PLXNA4: variants seen among roughly 807,000 people sequenced by gnomAD.
PLXNA4 encodes the protein plexin A4.
In PLXNA4, 44 loss-of-function variants were observed where a neutral mutation model predicts 191.8. That is an observed-to-expected ratio of 0.23 (90% CI 0.18 to 0.29). The LOEUF is 0.29. Ranked by LOEUF, PLXNA4 falls within the 10% of genes least tolerant of loss-of-function variation. The pLI is 1.00. For missense variants in PLXNA4, 1,800 were observed against 2,488.8 expected, an observed-to-expected ratio of 0.72 and a Z score of 5.89; for synonymous variants, 1,082 against 1,009.5, an observed-to-expected ratio of 1.07 and a Z score of -1.36.
intron 3 of PLXNA4, among the ~76,000 whole-genome samples, chr7:132,346,461 A>G (rs1165020755): frequency 6.6e-6 from 1 of 152,228 alleles, no homozygotes; most frequent in East Asian, 1.9e-4. Context: ...ACTGCTAATT[A>G]CACTCTTCTC....
chr7:132,225,870 G>C (rs1031382422), intron 8 of PLXNA4, among the ~76,000 whole-genome samples: 1 of 152,198 alleles, frequency 6.6e-6, no homozygotes, highest in Non-Finnish European at 1.5e-5. Context: ...TTGATGTCAG[G>C]GAAGATGTAT....
intron 3 of PLXNA4, among the ~76,000 whole-genome samples, chr7:132,356,162 G>C (rs1585029672): frequency 6.6e-6 from 1 of 152,210 alleles, no homozygotes; most frequent in East Asian, 1.9e-4. Flanking sequence ...GCTCTACCTG[G>C]CAGATCGGTG....
At position 132,624,661 on chromosome 7, in the gene PLXNA4, T is replaced by C. The variant is rs146394229; in HGVS notation, c.-87+21267A>G. On this transcript the variant is annotated intron_variant, in intron 2 of 4. Transcript: ENST00000378539. ...GAAAACTACAGTTCCTGGGTCCTGGTATAAGTCATGAACTTGGTCCATATA... is the reference window on the plus strand; with the variant it reads ...GAAAACTACAGTTCCTGGGTCCTGGCATAAGTCATGAACTTGGTCCATATA... Among the ~76,000 whole-genome samples, 166 of 152,308 alleles carry C rather than the reference T, an allele frequency of 1.1e-3. 2 individuals are homozygous for C. The highest frequency in any genetic ancestry group is 3.6e-3 in the African/African-American group (151 of 41,566).
chr7:132,450,187 A>G (rs893451273), intron 3 of PLXNA4, among the ~76,000 whole-genome samples: 1 of 152,200 alleles, frequency 6.6e-6, no homozygotes, highest in Non-Finnish European at 1.5e-5. Context: ...TGGGATCGGG[A>G]TGTAGGTCCA....
chr7:132,635,655 C>T (rs1803589605), intron 2 of PLXNA4, among the ~76,000 whole-genome samples: 1 of 152,166 alleles, frequency 6.6e-6, no homozygotes, highest in Non-Finnish European at 1.5e-5. Context: ...CACTGCCCTG[C>T]ACCTTGCCCC....
At chr7:132,494,045 G>T (rs1469916135) in intron 2 of PLXNA4, among the ~76,000 whole-genome samples, 2 of 152,196 alleles carry the variant, frequency 1.3e-5, no homozygotes, top group Admixed American at 1.3e-4. Flanking sequence ...TTGGCACTTA[G>T]TTCTATGGGA....
At chr7:132,145,460 T>A in intron 28 of PLXNA4, 172 bp from the exon 29 acceptor site, 1 of 859,756 alleles carries the variant, frequency 1.2e-6, no homozygotes, top group Non-Finnish European at 1.7e-6. Flanking sequence ...CATCTGTCTC[T>A]AACAGCTTTA....
At chr7:132,427,921 G>A (rs930442192) in intron 3 of PLXNA4, among the ~76,000 whole-genome samples, 3 of 152,212 alleles carry the variant, frequency 2.0e-5, no homozygotes, top group African/African-American at 7.2e-5. Flanking sequence ...GGACATGCAG[G>A]GAGAACGTGT....
chr7:132,372,190 A>G (rs747425697), intron 3 of PLXNA4, among the ~76,000 whole-genome samples: 22 of 152,212 alleles, frequency 1.4e-4, no homozygotes, highest in Admixed American at 3.3e-4. Flanking sequence ...AGGACCAGCT[A>G]TTGAGCAAAG....
intron 3 of PLXNA4, chr7:132,365,848 T>C (rs1804158756): frequency 6.6e-6 from 1 of 152,190 alleles, no homozygotes. Flanking sequence ...CTGCCCCCTC[T>C]GCTTTCATGT....
At chr7:132,533,028 C>T (rs1799686634) in intron 1 of PLXNA4, among the ~76,000 whole-genome samples, 1 of 152,202 alleles carries the variant, frequency 6.6e-6, no homozygotes, top group African/African-American at 2.4e-5. Context: ...CCACAAATCC[C>T]TCCTAACTTC....
intron 1 of PLXNA4, among the ~76,000 whole-genome samples, chr7:132,541,941 C>T (rs765290011): frequency 1.7e-4 from 26 of 152,190 alleles, no homozygotes; most frequent in African/African-American, 2.6e-4. Flanking sequence ...AAACCAGATG[C>T]GAATCACTTC....
intron 21 of PLXNA4, among the ~76,000 whole-genome samples, chr7:132,169,154 A>T (rs185370161): frequency 3.4e-4 from 52 of 152,340 alleles, no homozygotes; most frequent in Middle Eastern, 3.4e-3. Context: ...CCACATGATA[A>T]AAAGGGAAGA....
intron 3 of PLXNA4, among the ~76,000 whole-genome samples, chr7:132,365,330 T>C (rs545031701): frequency 5.0e-4 from 53 of 105,602 alleles, no homozygotes; most frequent in East Asian, 7.4e-4. Flanking sequence ...ACGGCCCGCG[T>C]GTGTGTGTGT....
chr7:132,263,997 C>T (rs1799751295), intron 4 of PLXNA4, among the ~76,000 whole-genome samples: 2 of 152,230 alleles, frequency 1.3e-5, no homozygotes, highest in African/African-American at 4.8e-5. Context: ...TGATTCAGTT[C>T]TTTCACTGCC....
intron 2 of PLXNA4, among the ~76,000 whole-genome samples, chr7:132,494,775 T>C (rs1797942265): frequency 6.6e-6 from 1 of 152,160 alleles, no homozygotes; most frequent in Admixed American, 6.5e-5. Context: ...TGCAGAGAGA[T>C]TGGCACTCTG....
At chr7:132,563,012 CTTTCTCTTCCTCTTT>C (rs1801359816) in intron 1 of PLXNA4, among the ~76,000 whole-genome samples, 1 of 109,412 alleles carries the variant, frequency 9.1e-6, no homozygotes. Flanking sequence ...TTCTCCTCCT[CTTTCTCTTCCTCTTT>C]CTCCTCCTCC....
At chr7:132,138,863 T>C (rs752422463) in intron 30 of PLXNA4, among the ~76,000 whole-genome samples, 1 of 152,256 alleles carries the variant, frequency 6.6e-6, no homozygotes, top group Admixed American at 6.5e-5. Flanking sequence ...GTGTCCTTTA[T>C]GCAGACACTT....
intron 24 of PLXNA4, among the ~76,000 whole-genome samples, chr7:132,162,720 C>T (rs781702802): frequency 2.0e-5 from 3 of 152,052 alleles, no homozygotes; most frequent in African/African-American, 7.2e-5. Context: ...AAAGCAGGGG[C>T]CTCATTCACA....
Sources: allele counts gnomAD v4.1 joint callset (sites outside exome capture counted in the v4.1 genomes callset), GRCh38; gene constraint gnomAD v4.1.1; transcripts MANE v1.5; gene names NCBI Gene and HGNC (gene_info 2026-07-23, HGNC 2026-07-21).